Variants in CTNNBIP1 observed in about 807,000 individuals in gnomAD.
CTNNBIP1 encodes beta-catenin-interacting protein 1.
Under a neutral mutation model 11.8 loss-of-function variants are expected in CTNNBIP1, and 7 were observed. The observed-to-expected ratio is 0.60, with a 90% CI of 0.34 to 1.12. The LOEUF (loss-of-function observed/expected upper bound fraction) is 1.12. Among genes scored for constraint, CTNNBIP1 ranks in the 50% most tolerant of loss-of-function variants. The pLI is 0.03. For synonymous variants in CTNNBIP1, 58 were observed against 43.9 expected (o/e 1.32, Z -1.26); for missense variants, 101 against 113.4 (o/e 0.89, Z 0.50).
chr1:9,875,085 C>G (rs1382542535), intron 3 of CTNNBIP1, among the ~76,000 whole-genome samples: 1 of 151,594 alleles, frequency 6.6e-6, no homozygotes, highest in Non-Finnish European at 1.5e-5. Flanking sequence ...GTTGCTTCCT[C>G]CCCACCCCCA....
At chr1:9,859,039 G>C (rs561725294) in intron 5 of CTNNBIP1, among the ~76,000 whole-genome samples, 2 of 152,254 alleles carry the variant, frequency 1.3e-5, no homozygotes, top group East Asian at 3.9e-4. Context: ...AAGCAGCCCA[G>C]GGACACCTTG....
chr1:9,869,526 C>T (rs765053531), intron 5 of CTNNBIP1, among the ~76,000 whole-genome samples: 38 of 151,886 alleles, frequency 2.5e-4, no homozygotes, highest in Admixed American at 7.9e-4. Flanking sequence ...GGTTTCGCCA[C>T]GTTGGTCAGG....
intron 5 of CTNNBIP1, among the ~76,000 whole-genome samples, chr1:9,854,772 G>A (rs1318087566): frequency 6.6e-6 from 1 of 152,082 alleles, no homozygotes; most frequent in Non-Finnish European, 1.5e-5. Context: ...CGCCTCCCAG[G>A]CTCAAGCAAT....
intron 3 of CTNNBIP1, among the ~76,000 whole-genome samples, chr1:9,874,520 T>C (rs565141611): frequency 1.7e-4 from 26 of 152,300 alleles, no homozygotes; most frequent in Admixed American, 7.9e-4. Context: ...TCCCAAAATA[T>C]TGGAATTAAC....
At chr1:9,891,499 C>T (rs997169512) in intron 1 of CTNNBIP1, among the ~76,000 whole-genome samples, 18 of 152,194 alleles carry the variant, frequency 1.2e-4, no homozygotes, top group African/African-American at 4.3e-4. Flanking sequence ...AGGATTAGGT[C>T]ATTAAATCAA....
intron 1 of CTNNBIP1, among the ~76,000 whole-genome samples, chr1:9,885,843 A>G (rs1327347376): frequency 6.6e-6 from 1 of 151,544 alleles, no homozygotes; most frequent in Non-Finnish European, 1.5e-5. Context: ...GAGGCAGGAG[A>G]ATCGCTTGAA....
At chr1:9,895,787 G>A (rs138571318) in intron 1 of CTNNBIP1, among the ~76,000 whole-genome samples, 1,763 of 152,156 alleles carry the variant, frequency 0.012, 42 homozygotes, top group African/African-American at 0.04. Context: ...ATGAGCCACC[G>A]CACCTGGCCT....
rs1639707896 is a variant in CTNNBIP1 at position 9,910,185 on chromosome 1, A to C, written c.-234T>G. The stretch of plus-strand genomic sequence containing the variant: ...GTTCCGGGGCGTGCTCAGCCCGAGC[A>C]GCCGCTGCGGCGGCGGCAGTAGCAG... On this transcript the variant is annotated 5_prime_UTR_variant, in exon 1 of 6. Coordinates refer to ENST00000377263, the MANE Select transcript of CTNNBIP1 (RefSeq NM_020248.3). 6.8e-6 allele frequency: 1 copy of C among 147,110 alleles called. No homozygotes were observed. The highest frequency in any genetic ancestry group is 1.5e-5 in the Non-Finnish European group (1 of 66,036). The allele number at this position is 147,110 out of a possible 1,614,324, so 9.1% of individuals were successfully genotyped here.
intron 1 of CTNNBIP1, among the ~76,000 whole-genome samples, chr1:9,885,360 G>A (rs1639165479): frequency 6.6e-6 from 1 of 152,130 alleles, no homozygotes; most frequent in African/African-American, 2.4e-5. Context: ...CTGAGCCTTT[G>A]TTTCCTTTTC....
In CTNNBIP1 at chr1:9,872,723, C is replaced by T. The variant is rs147549295; in HGVS notation, c.-24-635G>A. Among the ~76,000 whole-genome samples the T allele has an allele frequency of 2.6e-4, 39 of 152,272 alleles. No homozygotes were observed. In the East Asian group the frequency reaches 7.5e-3, roughly 29 times the overall value. On this transcript the variant is annotated intron_variant, in intron 3 of 5. Transcript: ENST00000377263. This position sits in a 1 kb window ranked among gnomAD's most constrained non-coding sequence, Gnocchi z 4.0. ...CCTCAGCCCTCACAAACCCACCCCA[C>T]CTGTCAGAGGGTAGCTCCTGCAGGC...
intron 5 of CTNNBIP1, among the ~76,000 whole-genome samples, chr1:9,855,335 A>C (rs80351535): frequency 0.016 from 2,481 of 151,314 alleles, 59 homozygotes; most frequent in African/African-American, 0.056. Context: ...AGAATATCCA[A>C]CACCACCTTG....
chr1:9,899,854 A>T (rs1570599755), intron 1 of CTNNBIP1, among the ~76,000 whole-genome samples: 1 of 152,070 alleles, frequency 6.6e-6, no homozygotes, highest in Non-Finnish European at 1.5e-5. Flanking sequence ...TGGGTGGATC[A>T]CCTGAGGTCA....
intron 5 of CTNNBIP1, among the ~76,000 whole-genome samples, chr1:9,863,935 C>T (rs1402714868): frequency 1.3e-5 from 2 of 152,128 alleles, no homozygotes; most frequent in African/African-American, 2.4e-5. Context: ...AAGGAGAGGC[C>T]GTTTCCTTAC....
intron 1 of CTNNBIP1, among the ~76,000 whole-genome samples, chr1:9,891,647 G>A (rs759163356): frequency 2.0e-5 from 3 of 152,194 alleles, no homozygotes; most frequent in Admixed American, 6.5e-5. Flanking sequence ...CAAACTCTTC[G>A]GAAAATAAGT....
intron 1 of CTNNBIP1, among the ~76,000 whole-genome samples, chr1:9,894,036 A>G (rs1639359899): frequency 6.6e-6 from 1 of 152,218 alleles, no homozygotes; most frequent in African/African-American, 2.4e-5. Flanking sequence ...TCAATTCCAG[A>G]TGGAACAAAG....
At chr1:9,863,934 C>T (rs892211953) in intron 5 of CTNNBIP1, among the ~76,000 whole-genome samples, 2 of 152,180 alleles carry the variant, frequency 1.3e-5, no homozygotes, top group Non-Finnish European at 2.9e-5. Flanking sequence ...AAAGGAGAGG[C>T]CGTTTCCTTA....
chr1:9,902,892 A>C (rs572836662), intron 1 of CTNNBIP1, among the ~76,000 whole-genome samples: 54 of 152,090 alleles, frequency 3.6e-4, no homozygotes, highest in African/African-American at 1.3e-3. Context: ...CAGCCTCCCG[A>C]GTAGCTGGGA....
chr1:9,885,778 T>C (rs1639176298), intron 1 of CTNNBIP1, among the ~76,000 whole-genome samples: 1 of 152,082 alleles, frequency 6.6e-6, no homozygotes, highest in African/African-American at 2.4e-5. Context: ...ACCCTGTCTC[T>C]ACTAAAAATA....
At chr1:9,875,170 C>A (rs1438043361) in intron 3 of CTNNBIP1, among the ~76,000 whole-genome samples, 4 of 152,192 alleles carry the variant, frequency 2.6e-5, no homozygotes, top group Non-Finnish European at 2.9e-5. Flanking sequence ...GCAGATCACT[C>A]CTGCTCTGGC....
Sources: allele counts gnomAD v4.1 joint callset (sites outside exome capture counted in the v4.1 genomes callset), GRCh38; gene constraint gnomAD v4.1.1; non-coding constraint Gnocchi (gnomAD v3.1); transcripts MANE v1.5; gene names NCBI Gene and HGNC (gene_info 2026-07-23, HGNC 2026-07-21).